Variants in TSHZ3 observed in about 807,000 individuals in gnomAD.
TSHZ3 encodes teashirt zinc finger homeobox 3, also known as teashirt homolog 3.
A neutral mutation model predicts 64.5 loss-of-function variants in TSHZ3; 10 were observed. That is an observed-to-expected ratio of 0.16 (90% CI 0.10 to 0.26). The LOEUF is 0.26. Among genes scored for constraint, TSHZ3 ranks in the 10% least tolerant of loss-of-function variants. The probability of loss-of-function intolerance (pLI) is 1.00; values close to 1 mark genes in which losing one functional copy is unlikely to be tolerated. For missense variants in TSHZ3, 1,242 were observed against 1,421.7 expected, an observed-to-expected ratio of 0.87 and a Z score of 2.03; for synonymous variants, 608 against 593.1, an observed-to-expected ratio of 1.03 and a Z score of -0.36.
chr19:31,253,421 C>A (rs577894702), intron 1 of TSHZ3, among the ~76,000 whole-genome samples: 1 of 152,246 alleles, frequency 6.6e-6, no homozygotes, highest in East Asian at 1.9e-4. Flanking sequence ...AATGGCTGAA[C>A]GCCCAAAGTT....
chr19:31,291,195 T>A (rs1976558996), intron 1 of TSHZ3, among the ~76,000 whole-genome samples: 1 of 152,158 alleles, frequency 6.6e-6, no homozygotes, highest in South Asian at 2.1e-4. Flanking sequence ...CCCAGCCGGT[T>A]CAGAAGACTC....
At position 31,298,130 on chromosome 19, in the gene TSHZ3, G is replaced by A. The variant is rs1976694994; in HGVS notation, c.41-18378C>T. The stretch of plus-strand genomic sequence containing the variant: ...TGTCTCTTGGCTTCCCTTGCACCCA[G>A]GGAAGGCCACTCTAGGGCTGCTCAT... On this transcript the variant is annotated intron_variant, in intron 1 of 1. Transcript: ENST00000240587. Among the ~76,000 whole-genome samples the A allele has an allele frequency of 1.3e-5, 2 of 152,090 alleles. 1 individual carries two copies. Among genetic ancestry groups the A allele is most frequent in the South Asian group, 4.1e-4 (2 of 4,826 alleles).
intron 5 of TSHZ3, among the ~76,000 whole-genome samples, chr19:31,199,397 C>A: frequency 1.4e-5 from 1 of 73,930 alleles, no homozygotes; most frequent in African/African-American, 6.8e-5. Context: ...AGCGAGACTC[C>A]GCCAAAAAAA....
At chr19:31,296,153 G>A (rs966027973) in intron 1 of TSHZ3, among the ~76,000 whole-genome samples, 1 of 151,452 alleles carries the variant, frequency 6.6e-6, no homozygotes. Context: ...GATTGTATGT[G>A]GGCACCCAGT....
chr19:31,341,633 A>T (rs62102622), intron 1 of TSHZ3, among the ~76,000 whole-genome samples: 1 of 52,110 alleles, frequency 1.9e-5, no homozygotes, highest in East Asian at 4.9e-4. Context: ...TCTCTCTGAC[A>T]CACACACACA....
chr19:31,151,181 T>G (rs1360205122), exon 7 of TSHZ3, among the ~76,000 whole-genome samples: 4 of 151,996 alleles, frequency 2.6e-5, no homozygotes, highest in Non-Finnish European at 5.9e-5. Flanking sequence ...CTGCTTGGAG[T>G]GCATGGCAGT....
At chr19:31,251,361 G>A (rs1479530298) in intron 1 of TSHZ3, among the ~76,000 whole-genome samples, 4 of 152,198 alleles carry the variant, frequency 2.6e-5, no homozygotes, top group Non-Finnish European at 5.9e-5. Flanking sequence ...TGGTTTCCCT[G>A]CAAAGCAGAA....
upstream of TSHZ3, among the ~76,000 whole-genome samples, chr19:31,349,974 T>C (rs1184620066): frequency 1.5e-5 from 1 of 65,792 alleles, no homozygotes; most frequent in African/African-American, 5.8e-5. Flanking sequence ...CCCCTCCGCC[T>C]CCGCCCCGTG....
At chr19:31,269,656 T>C (rs1238911866) in intron 1 of TSHZ3, among the ~76,000 whole-genome samples, 1 of 152,200 alleles carries the variant, frequency 6.6e-6, no homozygotes, top group African/African-American at 2.4e-5. Flanking sequence ...CTCACAATTA[T>C]GACGGTCATA....
intron 5 of TSHZ3, among the ~76,000 whole-genome samples, chr19:31,171,900 T>C (rs1974539983): frequency 6.6e-6 from 1 of 152,134 alleles, no homozygotes; most frequent in South Asian, 2.1e-4. Context: ...TTCTCCAAAA[T>C]CTTCTCCCCG....
At chr19:31,218,160 G>C (rs1411195618) in intron 4 of TSHZ3, among the ~76,000 whole-genome samples, 3 of 152,174 alleles carry the variant, frequency 2.0e-5, no homozygotes, top group Non-Finnish European at 4.4e-5. Flanking sequence ...TCTGAAAAAG[G>C]CCTGCTATCC....
At chr19:31,320,206 C>T (rs561262202) in intron 1 of TSHZ3, among the ~76,000 whole-genome samples, 5 of 152,290 alleles carry the variant, frequency 3.3e-5, no homozygotes, top group African/African-American at 7.2e-5. Context: ...GCTTCTCCAC[C>T]GCTCAGGCAG....
rs570672397 is a variant in TSHZ3, at chr19:31,183,367, T to C, written n.809+21589A>G. Among the ~76,000 whole-genome samples the C allele has an allele frequency of 9.9e-5, 15 of 152,238 alleles. No individual in the cohort carries two copies. In the South Asian group the frequency reaches 3.1e-3, roughly 32 times the overall value. On this transcript the variant is annotated intron_variant and non_coding_transcript_variant, in intron 5 of 6. Transcript: ENST00000651361. Reference sequence around the variant, plus strand: ...AGGGTGCCTCGACACCCGGCTTAGGTCTTCTCATTTTCATGAAAGATATGT... The same window carrying C: ...AGGGTGCCTCGACACCCGGCTTAGGCCTTCTCATTTTCATGAAAGATATGT...
rs148434171 is a variant in TSHZ3 at position 31,321,146 on chromosome 19, T to C, written c.40+28034A>G. Among the ~76,000 whole-genome samples, 450 of 152,292 alleles carry C rather than the reference T, an allele frequency of 3.0e-3. 1 individual carries two copies. The highest frequency in any genetic ancestry group is 1.0e-2 in the African/African-American group (415 of 41,556). On this transcript the variant is annotated intron_variant, in intron 1 of 1. Coordinates refer to ENST00000240587, the MANE Select transcript of TSHZ3 (RefSeq NM_020856.4). ...GCAAGCAAAATACAGTGCTTTATAA[T>C]TTTTTTTCCAGCATCCCTTTCCACC... is the stretch of plus-strand genomic sequence containing the variant.
chr19:31,256,023 C>T (rs988406413), intron 1 of TSHZ3, among the ~76,000 whole-genome samples: 24 of 152,178 alleles, frequency 1.6e-4, no homozygotes, highest in Admixed American at 2.0e-4. Context: ...AGTAGGAGAG[C>T]GCAGGGGTGG....
intron 1 of TSHZ3, among the ~76,000 whole-genome samples, chr19:31,306,959 T>C (rs1282502231): frequency 4.6e-5 from 7 of 152,184 alleles, no homozygotes; most frequent in Admixed American, 4.6e-4. Context: ...AGTTCTCTCC[T>C]GCAGACTTGG....
chr19:31,279,720 G>A lies in TSHZ3; in HGVS notation c.73C>T (p.Leu25=), dbSNP rs1273853415. 1 of 1,522,334 alleles carries A rather than the reference G, an allele frequency of 6.6e-7. No homozygotes were observed. The allele number at this position is 1,522,334 out of a possible 1,614,324, so 94.3% of individuals were successfully genotyped here. ...TCTGGGTCTAAACCTTCGTCCACCA[G>A]GGCAGCAGCCTTTAACTCTTCGGAA... ...YVSEELKAAA[L]VDEGLDPEEH... is the part of the protein sequence containing the mutation. Residue 25 remains leucine (L), a synonymous_variant, in exon 2 of 2, where the codon CTG becomes TTG. Transcript: ENST00000240587. The surrounding 1 kb of genome is among the most constrained non-coding windows in gnomAD (Gnocchi z 6.4).
intron 4 of TSHZ3, among the ~76,000 whole-genome samples, chr19:31,217,255 T>C (rs1975346453): frequency 6.6e-6 from 1 of 152,092 alleles, no homozygotes; most frequent in Non-Finnish European, 1.5e-5. Context: ...GTGGAACTTG[T>C]GTGCAAACCT....
chr19:31,291,116 G>C (rs1976557488), intron 1 of TSHZ3, among the ~76,000 whole-genome samples: 2 of 152,202 alleles, frequency 1.3e-5, no homozygotes, highest in South Asian at 4.1e-4. Context: ...CCAATGACAG[G>C]CTGCGGCTGC....
Sources: allele counts gnomAD v4.1 joint callset (sites outside exome capture counted in the v4.1 genomes callset), GRCh38; gene constraint gnomAD v4.1.1; non-coding constraint Gnocchi (gnomAD v3.1); transcripts MANE v1.5; gene names NCBI Gene and HGNC (gene_info 2026-07-23, HGNC 2026-07-21).